Variants in TEX11 observed in about 807,000 individuals in gnomAD.
TEX11 encodes the protein testis expressed 11.
TEX11 carries 7 observed loss-of-function variants against 84.4 expected under a neutral mutation model. That is an observed-to-expected ratio of 0.08 (90% CI 0.05 to 0.16). The LOEUF is 0.16. TEX11 is among the 10% of genes least tolerant of loss of function. The probability of loss-of-function intolerance (pLI) is 1.00; values close to 1 mark genes in which losing one functional copy is unlikely to be tolerated. For missense variants in TEX11, 551 were observed against 660.5 expected (o/e 0.83, Z 1.82); for synonymous variants, 264 against 222.8 (o/e 1.18, Z -1.64).
At position 70,689,724 on chromosome X, in the gene TEX11, G is replaced by GTT. The variant is rs2090218619; in HGVS notation, c.1005-6900_1005-6899insAA. ...ATGGTTGAACAAATTAACGAATTAG[G>GTT]GAGAAGAGACAAATTTCCCATGTAG... On this transcript the variant is annotated intron_variant, in intron 13 of 29. Transcript: ENST00000374333. 5.4e-5 allele frequency among the ~76,000 whole-genome samples: 6 copies of GTT among 111,668 alleles called. No homozygotes were observed. In the East Asian group the frequency reaches 1.7e-3, roughly 31 times the overall value.
At chrX:70,828,289 C>T (rs1037120101) in intron 8 of TEX11, among the ~76,000 whole-genome samples, 2 of 110,700 alleles carry the variant, frequency 1.8e-5, no homozygotes, top group African/African-American at 3.3e-5. Context: ...TGTGACTTTT[C>T]GGACAGAAAA....
rs750687667 is a variant in TEX11, at chrX:70,744,774, G to A, written c.693-555C>T. On this transcript the variant is annotated intron_variant, in intron 9 of 29. Coordinates refer to ENST00000374333, the MANE Select transcript of TEX11 (RefSeq NM_031276.3). ...CACCCAGGCTGGAGTGCAGTGGCAC[G>A]ATCTTGACTCATTGCAACCTCCATC... is the stretch of plus-strand genomic sequence containing the variant. Among the ~76,000 whole-genome samples the A allele has an allele frequency of 4.5e-5, 5 of 110,013 alleles. No homozygotes were observed. In the South Asian group the frequency reaches 1.5e-3, roughly 33 times the overall value.
chrX:70,827,574 AT>A (rs765082714), intron 8 of TEX11, among the ~76,000 whole-genome samples: 1 of 111,154 alleles, frequency 9.0e-6, no homozygotes, highest in East Asian at 2.9e-4. Flanking sequence ...CTTGGGTTTT[AT>A]GTGAACATCA....
chrX:70,843,099 C>T (rs929609846), intron 7 of TEX11, among the ~76,000 whole-genome samples: 7 of 111,539 alleles, frequency 6.3e-5, no homozygotes, highest in East Asian at 2.8e-4. Flanking sequence ...AAGCTACCAA[C>T]AACTTTCTTC....
intron 8 of TEX11, among the ~76,000 whole-genome samples, chrX:70,812,618 G>C (rs1052008228): frequency 9.0e-6 from 1 of 111,172 alleles, no homozygotes; most frequent in Non-Finnish European, 1.9e-5. Flanking sequence ...GAAGGAGATA[G>C]AGACACAAAA....
chrX:70,617,721 C>T (rs1307467640), intron 20 of TEX11, among the ~76,000 whole-genome samples: 2 of 110,730 alleles, frequency 1.8e-5, no homozygotes, highest in African/African-American at 6.6e-5. Context: ...GCTGAAATAC[C>T]CATGATGAAG....
chrX:70,884,181 G>A (rs1347898573), intron 2 of TEX11, among the ~76,000 whole-genome samples: 1 of 112,526 alleles, frequency 8.9e-6, no homozygotes, highest in Non-Finnish European at 1.9e-5. Context: ...ATAAGATGTG[G>A]AAACTAAGTT....
intron 13 of TEX11, among the ~76,000 whole-genome samples, chrX:70,704,408 A>C (rs2090352017): frequency 9.0e-6 from 1 of 111,633 alleles, no homozygotes; most frequent in South Asian, 3.7e-4. Context: ...TAAATAATAT[A>C]TTAAATTAAA....
chrX:70,838,229 G>T (rs2091416978), intron 7 of TEX11, among the ~76,000 whole-genome samples: 2 of 111,436 alleles, frequency 1.8e-5, no homozygotes, highest in Non-Finnish European at 3.8e-5. Context: ...GACCAGCCTG[G>T]TCAACACGGT....
At position 70,653,705 on chromosome X, in the gene TEX11, T is replaced by C. The variant is rs180732320; in HGVS notation, c.1381-2153A>G. Among the ~76,000 whole-genome samples the C allele has an allele frequency of 3.1e-3, 350 of 111,899 alleles. 3 individuals are homozygous for C. The highest frequency in any genetic ancestry group is 0.011 in the African/African-American group (335 of 30,818). ...TGCACCTTTGGTATTTATTCAAATGTGTCAAAACTTATGTCTACACAAAAA... is the reference window on the plus strand; with the variant it reads ...TGCACCTTTGGTATTTATTCAAATGCGTCAAAACTTATGTCTACACAAAAA... On this transcript the variant is annotated intron_variant, in intron 16 of 29. Coordinates refer to ENST00000374333, the MANE Select transcript of TEX11 (RefSeq NM_031276.3).
chrX:70,752,465 C>T (rs1205650224), intron 9 of TEX11, among the ~76,000 whole-genome samples: 1 of 91,336 alleles, frequency 1.1e-5, no homozygotes, highest in African/African-American at 4.3e-5. Flanking sequence ...GCGGAGATTG[C>T]AGTGAGCCGA....
chrX:70,760,680 A>G (rs1050627854), intron 9 of TEX11, among the ~76,000 whole-genome samples: 5 of 111,982 alleles, frequency 4.5e-5, no homozygotes, highest in African/African-American at 1.6e-4. Context: ...AGGCAATACC[A>G]TTCAGGACAT....
chrX:70,661,246 A>G (rs1034511735), intron 16 of TEX11, among the ~76,000 whole-genome samples: 1 of 112,530 alleles, frequency 8.9e-6, no homozygotes, highest in East Asian at 2.8e-4. Flanking sequence ...CCTGGCTCAG[A>G]GGGTCCTACG....
chrX:70,641,923 C>A (rs976252761), intron 17 of TEX11, among the ~76,000 whole-genome samples: 17 of 111,024 alleles, frequency 1.5e-4, no homozygotes, highest in Non-Finnish European at 2.6e-4. Flanking sequence ...AAGATCAGAG[C>A]AGAACTGAAG....
intron 10 of TEX11, among the ~76,000 whole-genome samples, chrX:70,741,435 G>A (rs1024180953): frequency 6.3e-5 from 7 of 111,111 alleles, no homozygotes; most frequent in Admixed American, 5.8e-4. Context: ...GGAAGTAGAG[G>A]TGGGTATTAA....
chrX:70,829,358 T>A (rs771717636), intron 8 of TEX11, among the ~76,000 whole-genome samples: 20 of 109,867 alleles, frequency 1.8e-4, no homozygotes, highest in Non-Finnish European at 2.5e-4. Context: ...GGCATGCACC[T>A]GTAGTTCCAG....
chrX:70,777,006 T>C (rs1261759133), intron 9 of TEX11, among the ~76,000 whole-genome samples: 1 of 110,002 alleles, frequency 9.1e-6, no homozygotes, highest in African/African-American at 3.3e-5. Flanking sequence ...CCCATACATA[T>C]GTAAAGTGTT....
chrX:70,525,255 A>C (rs768509543), downstream of TEX11, among the ~76,000 whole-genome samples: 1 of 110,959 alleles, frequency 9.0e-6, no homozygotes, highest in East Asian at 2.8e-4. Flanking sequence ...AAAAAGACTT[A>C]GAAGTTTTCA....
chrX:70,691,697 A>T (rs764260652), intron 13 of TEX11, among the ~76,000 whole-genome samples: 1 of 111,349 alleles, frequency 9.0e-6, no homozygotes, highest in Non-Finnish European at 1.9e-5. Context: ...TGGTCAAAGG[A>T]TATACACTTT....
Sources: gnomAD v4.1 joint callset for allele counts (sites outside exome capture counted in the v4.1 genomes callset) on GRCh38, gnomAD v4.1.1 for gene constraint, MANE v1.5 for transcripts, NCBI Gene and HGNC (gene_info 2026-07-23, HGNC 2026-07-21) for gene names.